AOPEP: variants seen among roughly 807,000 people sequenced by gnomAD.
The protein encoded by AOPEP is aminopeptidase O (putative), also known as aminopeptidase O.
A neutral mutation model predicts 98.1 loss-of-function variants in AOPEP; 77 were observed. That is an observed-to-expected ratio of 0.78 (90% CI 0.65 to 0.95). AOPEP has a LOEUF of 0.95. Among genes scored for constraint, AOPEP ranks in the 40% least tolerant of loss-of-function variants. The pLI is 0.00. For missense variants in AOPEP, 1,024 were observed against 1,024.7 expected (o/e 1.00, Z 0.01); for synonymous variants, 346 against 365.3 (o/e 0.95, Z 0.60).
At chr9:94,860,282 T>A (rs1434601634) in intron 5 of AOPEP, among the ~76,000 whole-genome samples, 2 of 152,036 alleles carry the variant, frequency 1.3e-5, no homozygotes, top group Admixed American at 6.6e-5. Flanking sequence ...ATGGGAAGAT[T>A]GGCGTGAAAT....
the AOPEP span, chr9:95,126,705 G>T: frequency 1.0e-6 from 1 of 976,570 alleles, no homozygotes; most frequent in Non-Finnish European, 1.6e-6. Context: ...ACTCCTTTTG[G>T]TTAGAAGAAC....
chr9:94,763,062 T>C, intron 2 of AOPEP: 1 of 400,940 alleles, frequency 2.5e-6, no homozygotes, highest in Non-Finnish European at 5.1e-6. Context: ...TTGCAGAATA[T>C]TATCAGTTAT....
chr9:94,819,349 CAG>C (rs1852449484), intron 5 of AOPEP, among the ~76,000 whole-genome samples: 1 of 152,190 alleles, frequency 6.6e-6, no homozygotes, highest in Admixed American at 6.5e-5. Flanking sequence ...CAGAGAGGCC[CAG>C]AGTCAGAAGG....
intron 5 of AOPEP, among the ~76,000 whole-genome samples, chr9:94,826,003 A>G (rs886716928): frequency 6.6e-5 from 10 of 152,166 alleles, no homozygotes; most frequent in African/African-American, 2.4e-4. Context: ...TTTTTAGCAA[A>G]AACCTGTGAC....
At chr9:95,081,229 T>G (rs2069723295) in intron 15 of AOPEP, among the ~76,000 whole-genome samples, 1 of 152,204 alleles carries the variant, frequency 6.6e-6, no homozygotes, top group Non-Finnish European at 1.5e-5. Flanking sequence ...GTGAGAGCTT[T>G]TCTCACTGTT....
chr9:94,805,552 A>G (rs935274054), intron 5 of AOPEP, among the ~76,000 whole-genome samples: 1 of 152,162 alleles, frequency 6.6e-6, no homozygotes, highest in Non-Finnish European at 1.5e-5. Context: ...ATTAAAGACC[A>G]TAGAAAAAAT....
the AOPEP span, among the ~76,000 whole-genome samples, chr9:95,116,190 C>G: frequency 6.6e-6 from 1 of 152,382 alleles, no homozygotes; most frequent in African/African-American, 2.4e-5. Flanking sequence ...AGTACATTTT[C>G]TGGAGCTCAC....
chr9:95,143,768 C>A, the AOPEP span, among the ~76,000 whole-genome samples: 9 of 152,310 alleles, frequency 5.9e-5, no homozygotes, highest in Admixed American at 6.5e-5. Context: ...TCCAGACTTA[C>A]AAAAGGACCT....
chr9:94,978,188 T>C (rs2059968293), intron 10 of AOPEP, among the ~76,000 whole-genome samples: 1 of 152,134 alleles, frequency 6.6e-6, no homozygotes, highest in South Asian at 2.1e-4. Flanking sequence ...CACTGTATCT[T>C]TTCATAACTT....
intron 14 of AOPEP, among the ~76,000 whole-genome samples, chr9:95,071,611 TTCC>T: frequency 6.6e-6 from 1 of 152,276 alleles, no homozygotes; most frequent in African/African-American, 2.4e-5. Context: ...AATGAGGCCA[TTCC>T]TGTCTTTGGT....
intron 5 of AOPEP, among the ~76,000 whole-genome samples, chr9:94,843,255 C>G (rs2042487328): frequency 6.6e-6 from 1 of 152,156 alleles, no homozygotes; most frequent in African/African-American, 2.4e-5. Flanking sequence ...CTAGCCTCCC[C>G]TTCCTGTTTC....
intron 5 of AOPEP, among the ~76,000 whole-genome samples, chr9:94,814,144 T>C (rs1166570374): frequency 6.6e-6 from 1 of 152,218 alleles, no homozygotes; most frequent in East Asian, 1.9e-4. Flanking sequence ...ATTGTTAATA[T>C]AAGATTAATA....
chr9:95,011,528 T>G (rs2062522284), intron 13 of AOPEP, among the ~76,000 whole-genome samples: 1 of 152,078 alleles, frequency 6.6e-6, no homozygotes, highest in Non-Finnish European at 1.5e-5. Context: ...ACTGCCGTTT[T>G]GCTGGGCATG....
At chr9:94,818,790 C>T (rs551334722) in intron 5 of AOPEP, among the ~76,000 whole-genome samples, 17 of 152,230 alleles carry the variant, frequency 1.1e-4, no homozygotes, top group South Asian at 2.1e-4. Flanking sequence ...GTCAGGAGAT[C>T]GAGACCATCC....
intron 5 of AOPEP, among the ~76,000 whole-genome samples, chr9:94,817,058 T>C (rs1736640888): frequency 6.6e-6 from 1 of 152,324 alleles, no homozygotes; most frequent in African/African-American, 2.4e-5. Flanking sequence ...TGAAGTGCAG[T>C]GGCACGATCA....
chr9:95,043,061 C>T (rs892828201), intron 13 of AOPEP, among the ~76,000 whole-genome samples: 1 of 151,658 alleles, frequency 6.6e-6, no homozygotes, highest in African/African-American at 2.4e-5. Flanking sequence ...TCTCTTTAGC[C>T]CAGGAGTTCG....
At chr9:94,738,538 C>G (rs956937722) in intron 1 of AOPEP, among the ~76,000 whole-genome samples, 1 of 152,124 alleles carries the variant, frequency 6.6e-6, no homozygotes, top group East Asian at 1.9e-4. Context: ...ACCTGTGCTA[C>G]AGGAGATACA....
intron 5 of AOPEP, among the ~76,000 whole-genome samples, chr9:94,877,417 T>G (rs1040013659): frequency 9.5e-5 from 12 of 126,924 alleles, no homozygotes; most frequent in Admixed American, 1.9e-4. Context: ...ACTGGATTTT[T>G]TTTTCTTTTC....
In AOPEP at chr9:94,729,444, C is replaced by G. The variant is rs561098767; in HGVS notation, c.-136+2693C>G. Among the ~76,000 whole-genome samples the G allele has an allele frequency of 2.6e-5, 4 of 152,078 alleles. No homozygotes were observed. In the South Asian group the frequency reaches 8.3e-4, roughly 32 times the overall value. On this transcript the variant is annotated intron_variant, in intron 1 of 16. Transcript: ENST00000375315. ...AATTAGCCAGGCATGATGGCATATG[C>G]CTGTAGTCTCAGGTACTTGGGGGAG...
Sources: gnomAD v4.1 joint callset for allele counts (sites outside exome capture counted in the v4.1 genomes callset) on GRCh38, gnomAD v4.1.1 for gene constraint, MANE v1.5 for transcripts, NCBI Gene and HGNC (gene_info 2026-07-23, HGNC 2026-07-21) for gene names.